The following DLGAP2 variants were observed in gnomAD, a reference collection of about 807,000 sequenced individuals.
DLGAP2 encodes the protein DLG associated protein 2.
In DLGAP2, 26 loss-of-function variants were observed where a neutral mutation model predicts 100.3. That is an observed-to-expected ratio of 0.26 (90% CI 0.19 to 0.36). The LOEUF is 0.36. Among genes scored for constraint, DLGAP2 ranks in the 10% least tolerant of loss-of-function variants. DLGAP2 has a pLI of 1.00. For synonymous variants in DLGAP2, 886 were observed against 630.1 expected (o/e 1.41, Z -6.08); for missense variants, 1,858 against 1,453.2 (o/e 1.28, Z -4.53).
intron 2 of DLGAP2, among the ~76,000 whole-genome samples, chr8:967,591 C>G (rs1474816024): frequency 6.6e-6 from 1 of 150,804 alleles, no homozygotes; most frequent in African/African-American, 2.4e-5. Context: ...ACATGCATGG[C>G]TATTTCAACA....
chr8:1,324,906 G>A (rs1037499620), intron 3 of DLGAP2, among the ~76,000 whole-genome samples: 3 of 152,170 alleles, frequency 2.0e-5, no homozygotes, highest in Admixed American at 6.5e-5. Flanking sequence ...CACAAGCCTC[G>A]TCTTCCAGAT....
In DLGAP2 at chr8:1,479,293, A is replaced by G. The variant is rs534945183; in HGVS notation, c.107-22073A>G. Among the ~76,000 whole-genome samples, 3 of 152,368 alleles carry G rather than the reference A, an allele frequency of 2.0e-5. No homozygotes were observed. In the East Asian group the frequency reaches 5.8e-4, roughly 29 times the overall value. ...GGCGGGGATTGGGGGCGGTGGGGACAGAATAAGATGCTGGGCGCAGGGATG... is the reference window on the plus strand; with the variant it reads ...GGCGGGGATTGGGGGCGGTGGGGACGGAATAAGATGCTGGGCGCAGGGATG... On this transcript the variant is annotated intron_variant, in intron 3 of 14. Transcript: ENST00000637795.
At chr8:1,696,799 C>T (rs368782831) in intron 13 of DLGAP2, among the ~76,000 whole-genome samples, 1 of 152,214 alleles carries the variant, frequency 6.6e-6, no homozygotes, top group Admixed American at 6.5e-5. Flanking sequence ...GGCAGGCTCA[C>T]GGAGCCCTGT....
intron 2 of DLGAP2, among the ~76,000 whole-genome samples, chr8:975,147 A>C (rs752701532): frequency 9.9e-5 from 15 of 152,224 alleles, no homozygotes; most frequent in Non-Finnish European, 2.2e-4. Context: ...ACCTGCATGA[A>C]ATGGACAAGT....
chr8:896,416 C>CG (rs913673150), intron 1 of DLGAP2, among the ~76,000 whole-genome samples: 2 of 81,976 alleles, frequency 2.4e-5, no homozygotes, highest in Admixed American at 1.4e-4. Flanking sequence ...GACACCAGGG[C>CG]GGGGGGGCTG....
intron 2 of DLGAP2, among the ~76,000 whole-genome samples, chr8:1,060,682 G>A (rs1036580306): frequency 6.6e-6 from 1 of 152,208 alleles, no homozygotes; most frequent in Non-Finnish European, 1.5e-5. Flanking sequence ...GGGGGATGAT[G>A]TTCATCCCGT....
chr8:1,368,542 C>G (rs530111181), intron 3 of DLGAP2: 8 of 152,102 alleles, frequency 5.3e-5, no homozygotes, highest in Admixed American at 6.5e-5. Context: ...TACCATCAAG[C>G]CTGACCTCCA....
At chr8:1,447,892 C>A (rs1169077392) in intron 3 of DLGAP2, among the ~76,000 whole-genome samples, 7 of 152,276 alleles carry the variant, frequency 4.6e-5, no homozygotes, top group African/African-American at 1.7e-4. Flanking sequence ...TTGTAGTATT[C>A]TCTGATGGTA....
chr8:1,177,332 T>G (rs1797282134), intron 2 of DLGAP2, among the ~76,000 whole-genome samples: 1 of 152,206 alleles, frequency 6.6e-6, no homozygotes, highest in South Asian at 2.1e-4. Context: ...AGAGGCATTA[T>G]ATCATAAGCC....
chr8:1,193,744 G>A (rs1797689898), intron 2 of DLGAP2, among the ~76,000 whole-genome samples: 1 of 151,918 alleles, frequency 6.6e-6, no homozygotes, highest in Non-Finnish European at 1.5e-5. Context: ...CCGGGTTGGG[G>A]GTCCTGTGGA....
intron 3 of DLGAP2, among the ~76,000 whole-genome samples, chr8:1,270,938 C>T (rs1420126509): frequency 6.6e-6 from 1 of 152,180 alleles, no homozygotes; most frequent in Non-Finnish European, 1.5e-5. Context: ...TGACCTGCTA[C>T]TTAGTAAAAC....
At chr8:897,134 C>G (rs912936368) in intron 1 of DLGAP2, among the ~76,000 whole-genome samples, 2 of 152,146 alleles carry the variant, frequency 1.3e-5, no homozygotes, top group African/African-American at 2.4e-5. Context: ...TCTCTGTTCA[C>G]TGTGACAAAC....
At chr8:1,613,399 G>T (rs1294263043) in intron 6 of DLGAP2, among the ~76,000 whole-genome samples, 1 of 151,952 alleles carries the variant, frequency 6.6e-6, no homozygotes, top group Non-Finnish European at 1.5e-5. Flanking sequence ...TGGTGGGGTG[G>T]GGGGAGCGGG....
At position 1,676,541 on chromosome 8, in the gene DLGAP2, G is replaced by GTT; in HGVS notation, c.2211_2212insTT (p.Ala738LeufsTer82). 1 of 1,613,154 alleles carries GTT rather than the reference G, an allele frequency of 6.2e-7. No homozygotes were observed. The highest frequency in any genetic ancestry group is 1.7e-5 in the Admixed American group (1 of 59,936). ...GTTCTCTGTTGAATTAGGTGGAAACGGCCACAGATTCTGACACGGAGAGCC... is the reference window on the plus strand; with the variant it reads ...GTTCTCTGTTGAATTAGGTGGAAACGTTGCCACAGATTCTGACACGGAGAGCC... On this transcript the variant is annotated frameshift_variant, in exon 11 of 15. Coordinates refer to ENST00000637795, the MANE Select transcript of DLGAP2 (RefSeq NM_001346810.2). LOFTEE classifies it high-confidence loss of function.
chr8:839,949 T>C (rs1368386327), intron 1 of DLGAP2, among the ~76,000 whole-genome samples: 48 of 128,012 alleles, frequency 3.7e-4, no homozygotes, highest in South Asian at 6.1e-4. Flanking sequence ...CACACCTGCA[T>C]GTCTCCGTAC....
intron 4 of DLGAP2, among the ~76,000 whole-genome samples, chr8:1,525,972 T>G (rs1305080318): frequency 6.6e-6 from 1 of 152,126 alleles, no homozygotes; most frequent in African/African-American, 2.4e-5. Flanking sequence ...TTGGAATTTT[T>G]TTGGAATGGG....
intron 3 of DLGAP2, among the ~76,000 whole-genome samples, chr8:1,354,366 A>T (rs908802324): frequency 6.6e-6 from 1 of 152,168 alleles, no homozygotes; most frequent in Non-Finnish European, 1.5e-5. Context: ...AATACAAAGT[A>T]TCTGGGTGTG....
At chr8:1,520,092 C>T (rs533247050) in intron 4 of DLGAP2, among the ~76,000 whole-genome samples, 17 of 152,300 alleles carry the variant, frequency 1.1e-4, no homozygotes, top group South Asian at 4.1e-4. Flanking sequence ...GTGCTGGGCA[C>T]GCTGTCCCCA....
chr8:1,489,020 C>T (rs1290818470), intron 3 of DLGAP2, among the ~76,000 whole-genome samples: 2 of 152,202 alleles, frequency 1.3e-5, no homozygotes, highest in African/African-American at 2.4e-5. Flanking sequence ...CTTAAATAAT[C>T]CGCACTGTTA....
Sources: allele counts gnomAD v4.1 joint callset (sites outside exome capture counted in the v4.1 genomes callset), GRCh38; gene constraint gnomAD v4.1.1; transcripts MANE v1.5; gene names NCBI Gene and HGNC (gene_info 2026-07-23, HGNC 2026-07-21).